The following MEIS1 variants were observed in gnomAD, a reference collection of about 807,000 sequenced individuals.
MEIS1 encodes Meis homeobox 1.
A neutral mutation model predicts 50.8 loss-of-function variants in MEIS1; 5 were observed. The ratio of observed to expected loss-of-function variants is 0.10; its 90% CI spans 0.05 to 0.21. The LOEUF is 0.21. Among genes scored for constraint, MEIS1 ranks in the 10% least tolerant of loss-of-function variants. MEIS1 has a pLI of 1.00. For missense variants in MEIS1, 318 were observed against 517.3 expected, an observed-to-expected ratio of 0.61 and a Z score of 3.74; for synonymous variants, 176 against 179.3, an observed-to-expected ratio of 0.98 and a Z score of 0.15.
At chr2:66,501,352 A>G (rs1673550577) in intron 7 of MEIS1, among the ~76,000 whole-genome samples, 1 of 152,126 alleles carries the variant, frequency 6.6e-6, no homozygotes, top group Admixed American at 6.5e-5. Flanking sequence ...AAATGTATAG[A>G]TTTCAGTATA....
intron 7 of MEIS1, among the ~76,000 whole-genome samples, chr2:66,507,664 G>A (rs765780106): frequency 2.6e-5 from 4 of 152,182 alleles, no homozygotes; most frequent in Non-Finnish European, 4.4e-5. Context: ...ACAGGAGTTA[G>A]TAGGGAGAGA....
rs1049284715 is a variant in MEIS1, at chr2:66,572,183, A to G, written c.*975A>G. The G allele has an allele frequency of 6.6e-5, 10 of 152,398 alleles. No individual in the cohort carries two copies. The highest frequency in any genetic ancestry group is 2.4e-4 in the African/African-American group (10 of 41,450). 9.4% of individuals were successfully genotyped at this position (152,398 alleles called of 1,614,324 possible). On this transcript the variant is annotated 3_prime_UTR_variant, in exon 13 of 13. Coordinates refer to ENST00000272369, the MANE Select transcript of MEIS1 (RefSeq NM_002398.3). ...AGCTGTTGCAGGCAGTGTCTTAAGG[A>G]GACTGGTAGGAGGAGGCATGGAAAC... is the stretch of plus-strand genomic sequence containing the variant.
intron 9 of MEIS1, among the ~76,000 whole-genome samples, chr2:66,561,098 CTAAAA>C (rs1191731502): frequency 6.6e-6 from 1 of 152,046 alleles, no homozygotes; most frequent in African/African-American, 2.4e-5. Flanking sequence ...AAATGTAAAT[CTAAAA>C]TAAAGAGTTC....
intron 12 of MEIS1, 34 bp downstream of exon 12, chr2:66,569,179 T>C: frequency 1.9e-6 from 3 of 1,557,396 alleles, no homozygotes; most frequent in South Asian, 1.2e-5. Flanking sequence ...TTTCACTTTG[T>C]CCTAGGAATA....
intron 7 of MEIS1, among the ~76,000 whole-genome samples, chr2:66,472,810 A>G (rs556555235): frequency 1.1e-4 from 16 of 152,220 alleles, no homozygotes; most frequent in Middle Eastern, 6.8e-3. Flanking sequence ...CCACACTGCC[A>G]TGAGCCAGCC....
At chr2:66,566,599 A>G in intron 9 of MEIS1, among the ~76,000 whole-genome samples, 1 of 26,750 alleles carries the variant, frequency 3.7e-5, no homozygotes, top group South Asian at 7.3e-4. Flanking sequence ...GAGAGCGTAT[A>G]TTAATACTTT....
intron 7 of MEIS1, among the ~76,000 whole-genome samples, chr2:66,467,044 AG>A (rs1672655657): frequency 6.6e-6 from 1 of 152,170 alleles, no homozygotes. Context: ...TCTGCTACAC[AG>A]TGGAGGCATG....
intron 8 of MEIS1, among the ~76,000 whole-genome samples, chr2:66,544,228 C>T (rs192930358): frequency 3.2e-4 from 48 of 152,126 alleles, no homozygotes; most frequent in Admixed American, 2.6e-3. Context: ...TTTTCAGCAG[C>T]CATGCCTGTG....
intron 6 of MEIS1, among the ~76,000 whole-genome samples, chr2:66,446,136 C>G (rs1308984436): frequency 1.3e-5 from 2 of 152,142 alleles, no homozygotes; most frequent in African/African-American, 4.8e-5. Context: ...GGCCATGATG[C>G]TAGGCGTCGA....
intron 8 of MEIS1, among the ~76,000 whole-genome samples, chr2:66,518,814 G>T (rs76418847): frequency 0.11 from 15,966 of 152,048 alleles, 991 homozygotes; most frequent in African/African-American, 0.17. Context: ...AAGATACCTT[G>T]TCTTAAAATA....
chr2:66,527,506 C>T (rs1333490701), intron 8 of MEIS1, among the ~76,000 whole-genome samples: 1 of 151,900 alleles, frequency 6.6e-6, no homozygotes, highest in African/African-American at 2.4e-5. Flanking sequence ...GCTGTATGGT[C>T]AACCAGAGCT....
At chr2:66,472,080 T>C (rs967799241) in intron 7 of MEIS1, among the ~76,000 whole-genome samples, 2 of 152,214 alleles carry the variant, frequency 1.3e-5, no homozygotes, top group Admixed American at 6.5e-5. Context: ...TGAGTCTGCA[T>C]TGGGTTTTAA....
chr2:66,516,464 A>G (rs554399630), intron 8 of MEIS1, among the ~76,000 whole-genome samples: 4 of 152,260 alleles, frequency 2.6e-5, no homozygotes, highest in African/African-American at 9.6e-5. Context: ...TACTACAGGG[A>G]CAAACTTTGC....
intron 6 of MEIS1, among the ~76,000 whole-genome samples, chr2:66,461,469 A>G (rs908133708): frequency 6.6e-6 from 1 of 152,150 alleles, no homozygotes; most frequent in African/African-American, 2.4e-5. Context: ...TCATGTGACT[A>G]CTCATTCTTA....
intron 6 of MEIS1, among the ~76,000 whole-genome samples, chr2:66,457,998 G>A (rs76401867): frequency 0.018 from 2,796 of 152,252 alleles, 54 homozygotes; most frequent in South Asian, 0.053. Flanking sequence ...AGAGAAAGCC[G>A]CCTATTGACA....
At chr2:66,516,041 A>C (rs373217614) in intron 8 of MEIS1, among the ~76,000 whole-genome samples, 1 of 152,196 alleles carries the variant, frequency 6.6e-6, no homozygotes, top group African/African-American at 2.4e-5. Context: ...CTTTTGCTGC[A>C]TAGTATTACA....
At chr2:66,553,461 TACTC>T (rs1178374745) in intron 9 of MEIS1, among the ~76,000 whole-genome samples, 1 of 152,178 alleles carries the variant, frequency 6.6e-6, no homozygotes, top group Non-Finnish European at 1.5e-5. Flanking sequence ...CAATCAGTAA[TACTC>T]ACTAGATAAA....
chr2:66,436,776 A>G, intron 1 of MEIS1: 8 of 661,584 alleles, frequency 1.2e-5, no homozygotes, highest in Non-Finnish European at 1.5e-5. Flanking sequence ...AGCGCCTCCA[A>G]ATCTTGGGAA....
At chr2:66,521,689 C>T (rs1423565644) in intron 8 of MEIS1, among the ~76,000 whole-genome samples, 1 of 152,046 alleles carries the variant, frequency 6.6e-6, no homozygotes, top group Admixed American at 6.6e-5. Context: ...GAAATTGTAC[C>T]ACATTGGCTT....
Sources: allele counts gnomAD v4.1 joint callset (sites outside exome capture counted in the v4.1 genomes callset), GRCh38; gene constraint gnomAD v4.1.1; transcripts MANE v1.5; gene names NCBI Gene and HGNC (gene_info 2026-07-23, HGNC 2026-07-21).